The following MOB4 variants were observed in gnomAD, a reference collection of about 807,000 sequenced individuals.
MOB4 encodes MOB-like protein phocein.
A neutral mutation model predicts 32.2 loss-of-function variants in MOB4; 4 were observed. The observed-to-expected ratio is 0.12, with a 90% confidence interval of 0.06 to 0.28. MOB4 has a LOEUF of 0.28. Ranked by LOEUF, MOB4 falls within the 10% of genes least tolerant of loss-of-function variation. The pLI, the probability that MOB4 is intolerant of heterozygous loss-of-function variation, is 1.00. For missense variants in MOB4, 158 were observed against 271.2 expected (o/e 0.58, Z 2.93); for synonymous variants, 88 against 88.1 (o/e 1.00, Z 0.01).
At chr2:197,530,651 G>A (rs368509438) in intron 2 of MOB4, among the ~76,000 whole-genome samples, 1 of 151,852 alleles carries the variant, frequency 6.6e-6, no homozygotes. Flanking sequence ...TTTGAGACAG[G>A]GTCTCACTCT....
chr2:197,532,972 G>A (rs2086733201), intron 2 of MOB4, among the ~76,000 whole-genome samples: 1 of 152,004 alleles, frequency 6.6e-6, no homozygotes, highest in Non-Finnish European at 1.5e-5. Context: ...GGTGGCGCAT[G>A]TCTATAATCC....
intron 3 of MOB4, among the ~76,000 whole-genome samples, chr2:197,535,899 C>CTTTTTTT (rs1319135434): frequency 5.4e-5 from 7 of 129,292 alleles, no homozygotes; most frequent in Non-Finnish European, 6.7e-5. Flanking sequence ...CTTTTCTTTT[C>CTTTTTTT]TTTTTTTTTT....
At chr2:197,526,837 T>C (rs1045228812) in intron 2 of MOB4, among the ~76,000 whole-genome samples, 2 of 152,240 alleles carry the variant, frequency 1.3e-5, no homozygotes, top group African/African-American at 2.4e-5. Context: ...CTGGGTTCTT[T>C]CTTTATTTCT....
At chr2:197,519,013 C>T (rs2086467779) in intron 1 of MOB4, among the ~76,000 whole-genome samples, 1 of 151,984 alleles carries the variant, frequency 6.6e-6, no homozygotes, top group Admixed American at 6.6e-5. Context: ...CCGTCTCGGC[C>T]TCTGAAAGTG....
chr2:197,537,982 G>A (rs2086831749), intron 3 of MOB4, among the ~76,000 whole-genome samples: 2 of 152,120 alleles, frequency 1.3e-5, no homozygotes, highest in Non-Finnish European at 2.9e-5. Flanking sequence ...GTTTCACCAT[G>A]TTGGTCAGGA....
chr2:197,529,452 A>T (rs1574634152), intron 2 of MOB4, among the ~76,000 whole-genome samples: 1 of 151,606 alleles, frequency 6.6e-6, no homozygotes, highest in Non-Finnish European at 1.5e-5. Flanking sequence ...CCTGGGTTCA[A>T]TCGATTCTCC....
At chr2:197,540,550 C>A in intron 5 of MOB4, 113 bp downstream of exon 5, 1 of 1,018,898 alleles carries the variant, frequency 9.8e-7, no homozygotes, top group Non-Finnish European at 1.3e-6. Context: ...TTTGCTATTT[C>A]ATTTTGAGTT....
Position 197,550,643 on chromosome 2 carries a change from A to G in MOB4, c.675A>G (p.Ala225=). ...ATTCAGTTTCTGGGGAAAGTGAAGCATGAAGGGAATCATAGGAAAAATGTA... is the reference window on the plus strand; with the variant it reads ...ATTCAGTTTCTGGGGAAAGTGAAGCGTGAAGGGAATCATAGGAAAAATGTA... ...VQNSVSGESE[A] is the part of the protein sequence containing the mutation. The change falls in exon 8 of 8, where the codon GCA becomes GCG. Residue 225 remains alanine, a synonymous_variant. Transcript: ENST00000323303. 1 of 1,592,436 alleles carries G rather than the reference A, an allele frequency of 6.3e-7. No homozygotes were observed. The highest frequency in any genetic ancestry group is 8.5e-7 in the Non-Finnish European group (1 of 1,173,832).
At chr2:197,545,000 A>G (rs1390903662) in intron 5 of MOB4, among the ~76,000 whole-genome samples, 3 of 152,226 alleles carry the variant, frequency 2.0e-5, no homozygotes, top group African/African-American at 7.2e-5. Context: ...AAGTTCCTTA[A>G]AATGGTAAGC....
At chr2:197,518,224 G>A (rs1213879629) in intron 1 of MOB4, among the ~76,000 whole-genome samples, 1 of 151,826 alleles carries the variant, frequency 6.6e-6, no homozygotes, top group Admixed American at 6.6e-5. Context: ...TGGAATATAG[G>A]CACATAGTTG....
chr2:197,537,086 C>T (rs1040395985), intron 3 of MOB4, among the ~76,000 whole-genome samples: 1 of 152,126 alleles, frequency 6.6e-6, no homozygotes, highest in Non-Finnish European at 1.5e-5. Flanking sequence ...CTAGTCTAGG[C>T]TTGGTATCTG....
chr2:197,549,781 CCTCAGATGATCCACCTGCCTTGGCCT>C (rs2106141020), intron 6 of MOB4, among the ~76,000 whole-genome samples: 1 of 150,790 alleles, frequency 6.6e-6, no homozygotes, highest in South Asian at 2.1e-4. Context: ...GAACTCCTGA[CCTCAGATGATCCACCTGCCTTGGCCT>C]CCCAAAGTGC....
chr2:197,540,231 AC>A, intron 4 of MOB4, 78 bp downstream of exon 4: 1 of 1,535,148 alleles, frequency 6.5e-7, no homozygotes, highest in Non-Finnish European at 8.8e-7. Flanking sequence ...TAATGTGCTT[AC>A]AAAAACGTAT....
At chr2:197,545,042 C>G (rs1031525701) in intron 5 of MOB4, among the ~76,000 whole-genome samples, 15 of 152,160 alleles carry the variant, frequency 9.9e-5, no homozygotes, top group Non-Finnish European at 1.8e-4. Flanking sequence ...GAATTCCACT[C>G]CTTGATATGT....
chr2:197,533,558 CTACAAAAAA>C (rs1287417658), intron 2 of MOB4, among the ~76,000 whole-genome samples: 1 of 151,894 alleles, frequency 6.6e-6, no homozygotes, highest in African/African-American at 2.4e-5. Flanking sequence ...AACCCTGTCT[CTACAAAAAA>C]TACAAAAATT....
intron 5 of MOB4, among the ~76,000 whole-genome samples, chr2:197,547,604 G>A (rs945175677): frequency 6.6e-6 from 1 of 152,142 alleles, no homozygotes; most frequent in Non-Finnish European, 1.5e-5. Context: ...GACAGCTTCA[G>A]TCTCAAACTT....
intron 2 of MOB4, among the ~76,000 whole-genome samples, chr2:197,533,161 T>C (rs2086736523): frequency 6.6e-6 from 1 of 152,068 alleles, no homozygotes; most frequent in South Asian, 2.1e-4. Context: ...CAAAAATGAA[T>C]AGACAGATTG....
intron 5 of MOB4, among the ~76,000 whole-genome samples, chr2:197,547,759 G>C (rs1013546000): frequency 6.6e-6 from 1 of 152,068 alleles, no homozygotes; most frequent in Non-Finnish European, 1.5e-5. Flanking sequence ...GCCCTCAGGA[G>C]GACTGGATGA....
chr2:197,544,729 G>C (rs1368527427), intron 5 of MOB4, among the ~76,000 whole-genome samples: 1 of 151,394 alleles, frequency 6.6e-6, no homozygotes. Flanking sequence ...CTCCAGCCTG[G>C]GCAACAGAGT....
Sources: gnomAD v4.1 joint callset for allele counts (sites outside exome capture counted in the v4.1 genomes callset) on GRCh38, gnomAD v4.1.1 for gene constraint, MANE v1.5 for transcripts, NCBI Gene and HGNC (gene_info 2026-07-23, HGNC 2026-07-21) for gene names.